The following MBTD1 variants were observed in gnomAD, a reference collection of about 807,000 sequenced individuals.
The protein encoded by MBTD1 is mbt domain containing 1, also known as MBT domain-containing protein 1.
MBTD1 carries 24 observed loss-of-function variants against 87.8 expected under a neutral mutation model. That is an observed-to-expected ratio of 0.27 (90% CI 0.20 to 0.38). The LOEUF is 0.38. Among genes scored for constraint, MBTD1 ranks in the 10% least tolerant of loss-of-function variants. The probability of loss-of-function intolerance (pLI) is 1.00; values close to 1 mark genes in which losing one functional copy is unlikely to be tolerated. For missense variants in MBTD1, 436 were observed against 760.2 expected (o/e 0.57, Z 5.02); for synonymous variants, 237 against 248.6 (o/e 0.95, Z 0.44).
chr17:51,209,853 T>C (rs1226712870), intron 6 of MBTD1, among the ~76,000 whole-genome samples: 1 of 152,180 alleles, frequency 6.6e-6, no homozygotes, highest in African/African-American at 2.4e-5. Context: ...AAAGTACATC[T>C]AGCAGAGGAT....
chr17:51,242,253 A>T (rs2054199973), intron 2 of MBTD1, among the ~76,000 whole-genome samples: 1 of 152,222 alleles, frequency 6.6e-6, no homozygotes, highest in Non-Finnish European at 1.5e-5. Context: ...TTAGAAAATT[A>T]TGAGTTCACA....
intron 2 of MBTD1, among the ~76,000 whole-genome samples, chr17:51,236,087 T>C (rs1294115552): frequency 6.6e-6 from 1 of 152,130 alleles, no homozygotes; most frequent in East Asian, 1.9e-4. Context: ...AGAGTGTATA[T>C]ATATATCTAT....
chr17:51,260,643 A>G (rs1404112869), upstream of MBTD1: 4 of 1,612,568 alleles, frequency 2.5e-6, no homozygotes, highest in Non-Finnish European at 3.4e-6. Flanking sequence ...GCGAAGCCGA[A>G]GCGGAAGCCC....
intron 2 of MBTD1, among the ~76,000 whole-genome samples, chr17:51,258,730 T>G (rs2055246921): frequency 6.6e-6 from 1 of 152,152 alleles, no homozygotes; most frequent in African/African-American, 2.4e-5. Context: ...ACGCTGAAAT[T>G]TCTAACTTCA....
chr17:51,259,708 G>C (rs2055349938), intron 1 of MBTD1, 127 bp downstream of exon 1: 2 of 887,430 alleles, frequency 2.3e-6, no homozygotes, highest in Non-Finnish European at 1.5e-6. Flanking sequence ...TCCGGAGGTT[G>C]AGAGGGCGTG....
chr17:51,232,247 A>G (rs1328527291), intron 2 of MBTD1, among the ~76,000 whole-genome samples: 1 of 152,170 alleles, frequency 6.6e-6, no homozygotes, highest in African/African-American at 2.4e-5. Flanking sequence ...GCCCTTTGAT[A>G]CCTAGCAGAA....
chr17:51,250,368 GA>G (rs896191286), intron 2 of MBTD1: 1 of 152,106 alleles, frequency 6.6e-6, no homozygotes, highest in African/African-American at 2.4e-5. Context: ...CTTTTTGTAG[GA>G]AATGTCCCAA....
chr17:51,183,620 T>C (rs533113661), intron 16 of MBTD1: 117 of 152,310 alleles, frequency 7.7e-4, no homozygotes, highest in African/African-American at 2.7e-3. Context: ...CAAACACCCA[T>C]CAGACTGTTC....
In MBTD1 at chr17:51,179,520, A is replaced by ATATATATATATATT. The variant is rs2050227694; in HGVS notation, c.*1055_*1056insAATATATATATATA. On this transcript the variant is annotated 3_prime_UTR_variant, in exon 17 of 17. Transcript: ENST00000586178. The stretch of plus-strand genomic sequence containing the variant: ...TATATATATATATATATATATATAT[A>ATATATATATATATT]TATATATATATATATATGGAATTTT... 1 of 93,576 alleles carries ATATATATATATATT rather than the reference A, an allele frequency of 1.1e-5. No individual in the cohort carries two copies. Among genetic ancestry groups the ATATATATATATATT allele is most frequent in the Non-Finnish European group, 2.1e-5 (1 of 46,674 alleles). 5.8% of individuals were successfully genotyped at this position (93,576 alleles called of 1,614,324 possible). A position where few individuals can be genotyped will look rare whatever the true frequency, so the allele number is the denominator to read the frequency against.
At chr17:51,250,310 GT>G (rs1243342171) in intron 2 of MBTD1, 1 of 152,056 alleles carries the variant, frequency 6.6e-6, no homozygotes, top group African/African-American at 2.4e-5. Context: ...CCTACTATTG[GT>G]TTTAATCTTA....
intron 2 of MBTD1, among the ~76,000 whole-genome samples, chr17:51,257,587 G>T (rs2055166340): frequency 6.6e-6 from 1 of 152,168 alleles, no homozygotes; most frequent in Admixed American, 6.5e-5. Flanking sequence ...CATATAACCA[G>T]CTTTAAAGAA....
intron 16 of MBTD1, among the ~76,000 whole-genome samples, chr17:51,189,203 A>G (rs572794718): frequency 6.6e-6 from 1 of 152,268 alleles, no homozygotes; most frequent in South Asian, 2.1e-4. Context: ...AGTGTTACAT[A>G]ATGTATGTTA....
intron 7 of MBTD1, among the ~76,000 whole-genome samples, chr17:51,204,361 ATTCTC>A (rs2051680393): frequency 6.7e-6 from 1 of 149,698 alleles, no homozygotes. Context: ...GGTTCAAGCG[ATTCTC>A]CTACCTCAGC....
chr17:51,236,976 T>C (rs1460303169), intron 2 of MBTD1, among the ~76,000 whole-genome samples: 2 of 151,834 alleles, frequency 1.3e-5, no homozygotes, highest in Non-Finnish European at 2.9e-5. Flanking sequence ...AGTTTTTAGC[T>C]ATGACAAAAA....
intron 2 of MBTD1, among the ~76,000 whole-genome samples, chr17:51,248,567 T>C (rs2054588293): frequency 6.6e-6 from 1 of 152,240 alleles, no homozygotes; most frequent in Non-Finnish European, 1.5e-5. Flanking sequence ...TGAGTTCTAT[T>C]AGCTTTGGCT....
At chr17:51,192,537 C>G (rs2050862592) in intron 15 of MBTD1, 1 of 696,284 alleles carries the variant, frequency 1.4e-6, no homozygotes, top group Non-Finnish European at 2.3e-6. Flanking sequence ...AATAGTAAGT[C>G]TAGTTTAATT....
At chr17:51,192,432 AAC>A in intron 15 of MBTD1, 152 bp from the exon 16 acceptor site, 1 of 649,094 alleles carries the variant, frequency 1.5e-6, no homozygotes, top group Admixed American at 3.1e-5. Flanking sequence ...GTTCCTACAA[AAC>A]CATAGCCTCA....
chr17:51,232,565 T>C (rs969809304), intron 2 of MBTD1, among the ~76,000 whole-genome samples: 4 of 151,880 alleles, frequency 2.6e-5, no homozygotes, highest in African/African-American at 9.7e-5. Flanking sequence ...GGAAGATACA[T>C]GATAAACACT....
intron 7 of MBTD1, among the ~76,000 whole-genome samples, chr17:51,204,721 G>A (rs943774057): frequency 9.2e-5 from 14 of 151,800 alleles, no homozygotes; most frequent in African/African-American, 2.7e-4. Flanking sequence ...GGCTAGTCTC[G>A]AACTCTCAAC....
Sources: allele counts gnomAD v4.1 joint callset (sites outside exome capture counted in the v4.1 genomes callset), GRCh38; gene constraint gnomAD v4.1.1; transcripts MANE v1.5; gene names NCBI Gene and HGNC (gene_info 2026-07-23, HGNC 2026-07-21).